CIBAR1: variants seen among roughly 807,000 people sequenced by gnomAD.
CIBAR1 encodes CBY1-interacting BAR domain-containing protein 1.
In CIBAR1, 25 loss-of-function variants were observed where a neutral mutation model predicts 44.0. The observed-to-expected ratio is 0.57, with a 90% CI of 0.41 to 0.79. The LOEUF (loss-of-function observed/expected upper bound fraction) is 0.79. Ranked by LOEUF, CIBAR1 falls within the 30% of genes least tolerant of loss-of-function variation. The pLI is 0.00. For missense variants in CIBAR1, 278 were observed against 344.8 expected, an observed-to-expected ratio of 0.81 and a Z score of 1.53; for synonymous variants, 115 against 119.0, an observed-to-expected ratio of 0.97 and a Z score of 0.22.
rs745616903 is a variant in CIBAR1 at position 93,728,163 on chromosome 8, A to C, written c.778-42A>C. ...ATACCAAGAATGTAAAATTTTTTTA[A>C]GTTAGTATTTTTATTTTAAAAAGTG... is the stretch of plus-strand genomic sequence containing the variant. On this transcript the variant is annotated intron_variant, in intron 8 of 8. Coordinates refer to ENST00000518322, the MANE Select transcript of CIBAR1 (RefSeq NM_145269.5). 7.8e-6 allele frequency: 10 copies of C among 1,289,864 alleles called. No individual in the cohort carries two copies. The South Asian group carries it at 1.5e-4, about 20-fold the overall frequency. The allele number at this position is 1,289,864 out of a possible 1,614,324, so 79.9% of individuals were successfully genotyped here.
rs1026750988 is a variant in CIBAR1, at chr8:93,701,372, G to A, written c.175G>A (p.Ala59Thr). 11 of 1,613,756 alleles carry A rather than the reference G, an allele frequency of 6.8e-6. No individual in the cohort carries two copies. Among genetic ancestry groups the A allele is most frequent in the African/African-American group, 2.7e-5 (2 of 74,874 alleles). ...CCTGGTGAATGAAATTAACGCGTAT[G>A]CTGCTACAGAGACCCCGCATTTAAA... is the stretch of plus-strand genomic sequence containing the variant. ...DLLVNEINAY[A>T]ATETPHLKLG... Residue 59 changes from alanine (A) to threonine (T), a missense_variant, in exon 2 of 9, where the codon GCT (alanine) becomes ACT (threonine). By Grantham distance (58) the Ala-to-Thr change is moderately conservative (BLOSUM62 0). This residue lies in a region of CIBAR1 where 183 missense variants were observed against 218.6 expected (regional missense o/e 0.84). Coordinates refer to ENST00000518322, the MANE Select transcript of CIBAR1 (RefSeq NM_145269.5).
At chr8:93,709,484 G>A (rs957032146) in intron 5 of CIBAR1, among the ~76,000 whole-genome samples, 3 of 152,038 alleles carry the variant, frequency 2.0e-5, no homozygotes, top group Admixed American at 6.6e-5. Flanking sequence ...TTATCCAAGG[G>A]TGTCTGGAAA....
chr8:93,704,826 A>G (rs1810515851), intron 3 of CIBAR1, 83 bp from the exon 4 acceptor site: 7 of 766,930 alleles, frequency 9.1e-6, no homozygotes, highest in Non-Finnish European at 1.5e-5. Flanking sequence ...TCTTAAAACA[A>G]TTCTTAAAAG....
chr8:93,717,813 G>C (rs1811091687), intron 6 of CIBAR1, among the ~76,000 whole-genome samples: 1 of 152,114 alleles, frequency 6.6e-6, no homozygotes, highest in South Asian at 2.1e-4. Flanking sequence ...TTAACAAAAT[G>C]ATAAGATCAT....
At chr8:93,703,756 T>C (rs1415606936) in intron 3 of CIBAR1, 68 bp downstream of exon 3, 1 of 1,310,632 alleles carries the variant, frequency 7.6e-7, no homozygotes, top group Non-Finnish European at 1.0e-6. Context: ...TTCCAATTGT[T>C]TTTTTAAATA....
intron 7 of CIBAR1, chr8:93,721,290 A>G (rs767667916): frequency 1.3e-5 from 2 of 152,204 alleles, no homozygotes; most frequent in Non-Finnish European, 2.9e-5. Context: ...TCCACTTTAT[A>G]AGTATTTTCA....
intron 6 of CIBAR1, 104 bp downstream of exon 6, chr8:93,709,979 AT>A: frequency 1.3e-6 from 1 of 785,892 alleles, no homozygotes; most frequent in Non-Finnish European, 2.0e-6. Context: ...AATACCCCTT[AT>A]AAAGAAAATA....
At chr8:93,726,695 T>C (rs1159783151) in intron 8 of CIBAR1, 182 bp downstream of exon 8, 6 of 647,794 alleles carry the variant, frequency 9.3e-6, no homozygotes, top group Non-Finnish European at 1.6e-5. Context: ...CTTAATTATC[T>C]TTTATACTGT....
In CIBAR1 at chr8:93,701,412, A is replaced by C; in HGVS notation, c.215A>C (p.Asn72Thr). 2 of 1,613,716 alleles carry C rather than the reference A, an allele frequency of 1.2e-6. No homozygotes were observed. Among genetic ancestry groups the C allele is most frequent in the Non-Finnish European group, 1.7e-6 (2 of 1,179,846 alleles). Reference sequence around the variant, plus strand: ...CCGCATTTAAAGCTGGGCCTGATGAACTTTGCAGATGAGTTTGCCAAACTT... The same window carrying C: ...CCGCATTTAAAGCTGGGCCTGATGACCTTTGCAGATGAGTTTGCCAAACTT... ...ETPHLKLGLM[N>T]FADEFAKLQD... is the part of the protein sequence containing the mutation. Residue 72 changes from asparagine to threonine, a missense_variant, in exon 2 of 9, where the codon AAC becomes ACC. Asn to Thr is a moderately conservative substitution (Grantham distance 65). Transcript: ENST00000518322.
In CIBAR1 at chr8:93,703,612, T is replaced by A. The variant is rs1019320687; in HGVS notation, c.262-8T>A. ...GTTCTAATTTAAAATTTTAATAATT[T>A]TCAATAGGTTGAAAGACTTGAAGCC... On this transcript the variant is annotated splice_region_variant and splice_polypyrimidine_tract_variant and intron_variant, in intron 2 of 8. Transcript: ENST00000518322. The A allele has an allele frequency of 4.6e-6, 7 of 1,505,612 alleles. No homozygotes were observed. The highest frequency in any genetic ancestry group is 6.3e-6 in the Non-Finnish European group (7 of 1,117,830). The allele number at this position is 1,505,612 out of a possible 1,614,324, so 93.3% of individuals were successfully genotyped here.
chr8:93,721,084 A>C (rs1811246397), intron 7 of CIBAR1: 1 of 152,218 alleles, frequency 6.6e-6, no homozygotes, highest in African/African-American at 2.4e-5. Flanking sequence ...CAGAGATCTC[A>C]TAGCTAGTAA....
chr8:93,714,135 T>C (rs1810943872), intron 6 of CIBAR1, among the ~76,000 whole-genome samples: 1 of 152,222 alleles, frequency 6.6e-6, no homozygotes, highest in African/African-American at 2.4e-5. Context: ...TTCTTTAATT[T>C]CTTTAAACAC....
chr8:93,713,011 CCCTTTTTTTCT>C (rs1361486289), intron 6 of CIBAR1, among the ~76,000 whole-genome samples: 8 of 129,824 alleles, frequency 6.2e-5, no homozygotes, highest in African/African-American at 2.4e-4. Flanking sequence ...AGATCCTTTA[CCCTTTTTTTCT>C]CCTTTTTTTT....
chr8:93,728,142 C>A, intron 8 of CIBAR1, 63 bp from the exon 9 acceptor site: 3 of 1,025,814 alleles, frequency 2.9e-6, no homozygotes, highest in Non-Finnish European at 2.7e-6. Context: ...AAAAATATAC[C>A]AAGAATGTAA....
intron 4 of CIBAR1, 148 bp downstream of exon 4, chr8:93,705,158 A>C: frequency 1.7e-6 from 1 of 579,130 alleles, no homozygotes. Context: ...AATTCTCACT[A>C]TAGAAATTTT....
chr8:93,701,110 G>A (rs1202225223), intron 1 of CIBAR1, 114 bp from the exon 2 acceptor site: 52 of 1,501,790 alleles, frequency 3.5e-5, no homozygotes, highest in Non-Finnish European at 4.5e-5. Context: ...GTCGTTGATG[G>A]GTTTACGCCT....
In CIBAR1 at chr8:93,703,737, C is replaced by G. The variant is rs6997642; in HGVS notation, c.330+49C>G. 1,024,078 of 1,434,830 alleles carry G rather than the reference C, an allele frequency of 0.71. 367,632 individuals carry two copies. The highest frequency in any genetic ancestry group is 0.84 in the African/African-American group (58,290 of 69,698). 88.9% of individuals were successfully genotyped at this position (1,434,830 alleles called of 1,614,324 possible). A position where few individuals can be genotyped will look rare whatever the true frequency, so the allele number is the denominator to read the frequency against. On this transcript the variant is annotated intron_variant, in intron 3 of 8. Coordinates refer to ENST00000518322, the MANE Select transcript of CIBAR1 (RefSeq NM_145269.5). ...TAACTGTGAGTTACTCTGGCAAAGA[C>G]TATGAGGTTTCCAATTGTTTTTTTA... is the stretch of plus-strand genomic sequence containing the variant.
At chr8:93,723,218 G>T (rs1314739601) in intron 7 of CIBAR1, among the ~76,000 whole-genome samples, 2 of 152,136 alleles carry the variant, frequency 1.3e-5, no homozygotes, top group South Asian at 2.1e-4. Flanking sequence ...GGATGGTCTC[G>T]ATCTCCTGAC....
chr8:93,703,505 T>C, intron 2 of CIBAR1, 115 bp from the exon 3 acceptor site: 1 of 597,624 alleles, frequency 1.7e-6, no homozygotes, highest in Non-Finnish European at 2.8e-6. Flanking sequence ...GCTTAACAGT[T>C]TTTAATGTGT....
Sources: allele counts gnomAD v4.1 joint callset (sites outside exome capture counted in the v4.1 genomes callset), GRCh38; gene constraint gnomAD v4.1.1; regional missense constraint gnomAD v4.1.1; transcripts MANE v1.5; gene names NCBI Gene and HGNC (gene_info 2026-07-23, HGNC 2026-07-21).